The following ATXN7L1 variants were observed in gnomAD, a reference collection of about 807,000 sequenced individuals.
The protein encoded by ATXN7L1 is ataxin-7-like protein 1.
Under a neutral mutation model 70.8 loss-of-function variants are expected in ATXN7L1, and 15 were observed. The ratio of observed to expected loss-of-function variants is 0.21; its 90% confidence interval spans 0.14 to 0.33. The LOEUF (loss-of-function observed/expected upper bound fraction) is 0.33, where lower values mean the gene tolerates loss of function less well. Among genes scored for constraint, ATXN7L1 ranks in the 10% least tolerant of loss-of-function variants. ATXN7L1 has a pLI of 1.00. For synonymous variants in ATXN7L1, 440 were observed against 445.1 expected (o/e 0.99, Z 0.14); for missense variants, 975 against 1,097.1 (o/e 0.89, Z 1.57).
chr7:105,716,403 A>G (rs1236864957), intron 3 of ATXN7L1, among the ~76,000 whole-genome samples: 3 of 152,214 alleles, frequency 2.0e-5, no homozygotes, highest in African/African-American at 7.2e-5. Context: ...CTCTGCAAAG[A>G]CAGACTATTT....
At chr7:105,719,748 C>T (rs954933477) in intron 3 of ATXN7L1, among the ~76,000 whole-genome samples, 2 of 152,178 alleles carry the variant, frequency 1.3e-5, no homozygotes, top group Non-Finnish European at 2.9e-5. Context: ...GATTTGGCAG[C>T]TCCATCAACA....
rs1486638500 is a variant in ATXN7L1, at chr7:105,652,650, A to G, written c.579-9529T>C. Among the ~76,000 whole-genome samples the G allele has an allele frequency of 2.0e-5, 3 of 152,206 alleles. No homozygotes were observed. In the South Asian group the frequency reaches 6.2e-4, roughly 32 times the overall value. ...CAGTCCTGGAGGAAACCCTGACCCAAGGGGAGACAGGGCAACTCCTTACAG... is the reference window on the plus strand; with the variant it reads ...CAGTCCTGGAGGAAACCCTGACCCAGGGGGAGACAGGGCAACTCCTTACAG... On this transcript the variant is annotated intron_variant, in intron 4 of 11. Coordinates refer to ENST00000419735, the MANE Select transcript of ATXN7L1 (RefSeq NM_020725.2).
At chr7:105,833,197 C>A (rs532395854) in intron 2 of ATXN7L1, among the ~76,000 whole-genome samples, 5 of 152,300 alleles carry the variant, frequency 3.3e-5, no homozygotes, top group African/African-American at 1.2e-4. Flanking sequence ...GTCCCCAGGT[C>A]CCCTAGACTC....
At position 105,761,076 on chromosome 7, in the gene ATXN7L1, A is replaced by T. The variant is rs190510122; in HGVS notation, c.355+27528T>A. 17 of 813,262 alleles carry T rather than the reference A, an allele frequency of 2.1e-5. No homozygotes were observed. In the Admixed American group the frequency reaches 9.0e-4, roughly 43 times the overall value. 50.4% of individuals were successfully genotyped at this position (813,262 alleles called of 1,614,324 possible). ...GCAGAATGAATTGTAGAGGAGCAAG[A>T]GTGGAAGCAGGAACAGCTGGAAGGC... On this transcript the variant is annotated intron_variant, in intron 3 of 11. Coordinates refer to ENST00000419735, the MANE Select transcript of ATXN7L1 (RefSeq NM_020725.2).
intron 3 of ATXN7L1, among the ~76,000 whole-genome samples, chr7:105,726,296 G>A (rs1795810803): frequency 6.6e-6 from 1 of 152,212 alleles, no homozygotes; most frequent in Non-Finnish European, 1.5e-5. Flanking sequence ...AATTCCAAGA[G>A]CACAAAGAAG....
At chr7:105,861,205 G>T (rs1816586634) in intron 2 of ATXN7L1, among the ~76,000 whole-genome samples, 1 of 152,196 alleles carries the variant, frequency 6.6e-6, no homozygotes. Context: ...CACCTGTCCG[G>T]ATAGGAAGGG....
chr7:105,669,788 G>A (rs1006458075), intron 3 of ATXN7L1, among the ~76,000 whole-genome samples: 15 of 151,938 alleles, frequency 9.9e-5, no homozygotes, highest in Non-Finnish European at 1.9e-4. Context: ...GCGTGGTGGC[G>A]CATGCCTGTA....
intron 2 of ATXN7L1, among the ~76,000 whole-genome samples, chr7:105,853,209 G>T (rs1451422036): frequency 6.6e-6 from 1 of 152,218 alleles, no homozygotes; most frequent in South Asian, 2.1e-4. Flanking sequence ...CTCTAAACTG[G>T]TTAAAGTATT....
intron 3 of ATXN7L1, among the ~76,000 whole-genome samples, chr7:105,702,565 G>GAC (rs1441552360): frequency 0.051 from 7,614 of 147,854 alleles, 642 homozygotes; most frequent in African/African-American, 0.18. Context: ...CACACACACA[G>GAC]ACACACATAC....
chr7:105,849,166 G>T (rs1269374870), intron 2 of ATXN7L1, among the ~76,000 whole-genome samples: 1 of 152,216 alleles, frequency 6.6e-6, no homozygotes, highest in Non-Finnish European at 1.5e-5. Context: ...ATCACCACTG[G>T]CCTGAGAGGA....
chr7:105,762,566 T>C (rs1800690654), intron 3 of ATXN7L1, among the ~76,000 whole-genome samples: 1 of 152,114 alleles, frequency 6.6e-6, no homozygotes, highest in Non-Finnish European at 1.5e-5. Flanking sequence ...CCCTACCCAA[T>C]CACCTTTCTT....
chr7:105,653,182 C>T (rs567162113), intron 4 of ATXN7L1, among the ~76,000 whole-genome samples: 36 of 152,224 alleles, frequency 2.4e-4, no homozygotes, highest in Admixed American at 2.0e-4. Context: ...TCAGGCCGGG[C>T]ATGGTGGCTC....
chr7:105,713,262 T>C lies in ATXN7L1; in HGVS notation c.356-47974A>G, dbSNP rs115162002. ...CATGAGATTTTGGTGAGGACACATA[T>C]CCAAACCATATCAGATGGGGCCTGG... On this transcript the variant is annotated intron_variant, in intron 3 of 11. Transcript: ENST00000419735. 1.7e-3 allele frequency among the ~76,000 whole-genome samples: 254 copies of C among 152,290 alleles called. 4 individuals carry two copies. The highest frequency in any genetic ancestry group is 5.8e-3 in the African/African-American group (242 of 41,562).
chr7:105,780,300 C>T lies in ATXN7L1; in HGVS notation c.355+8304G>A, dbSNP rs549378952. Reference sequence around the variant, plus strand: ...GGATGTACACAGAAGGATGGGGTGCCAGCCAGGACATGCCATGCCTCACTC... The same window carrying T: ...GGATGTACACAGAAGGATGGGGTGCTAGCCAGGACATGCCATGCCTCACTC... On this transcript the variant is annotated intron_variant, in intron 3 of 11. Coordinates refer to ENST00000419735, the MANE Select transcript of ATXN7L1 (RefSeq NM_020725.2). Among the ~76,000 whole-genome samples the T allele has an allele frequency of 9.8e-5, 15 of 152,320 alleles. No individual in the cohort carries two copies. In the South Asian group the frequency reaches 3.1e-3, roughly 32 times the overall value.
chr7:105,799,233 C>A (rs117350118), intron 2 of ATXN7L1, among the ~76,000 whole-genome samples: 1 of 152,348 alleles, frequency 6.6e-6, no homozygotes, highest in East Asian at 1.9e-4. Context: ...GACTGCATCG[C>A]AGCAGGCCTC....
At chr7:105,845,321 T>C (rs1488234063) in intron 2 of ATXN7L1, among the ~76,000 whole-genome samples, 2 of 146,518 alleles carry the variant, frequency 1.4e-5, no homozygotes, top group African/African-American at 5.1e-5. Flanking sequence ...AAAAATAAAA[T>C]ACTTACCAAT....
At chr7:105,815,370 G>A (rs1809038604) in intron 2 of ATXN7L1, among the ~76,000 whole-genome samples, 1 of 152,154 alleles carries the variant, frequency 6.6e-6, no homozygotes, top group Non-Finnish European at 1.5e-5. Flanking sequence ...GTTCTACATT[G>A]AGATCACTTA....
chr7:105,633,277 A>G (rs1796870473), intron 7 of ATXN7L1, among the ~76,000 whole-genome samples: 1 of 152,242 alleles, frequency 6.6e-6, no homozygotes, highest in African/African-American at 2.4e-5. Flanking sequence ...GGCACAAACT[A>G]AGAAGGAGGC....
chr7:105,757,244 T>G (rs541985246), intron 3 of ATXN7L1, among the ~76,000 whole-genome samples: 39 of 152,052 alleles, frequency 2.6e-4, no homozygotes, highest in Admixed American at 1.1e-3. Flanking sequence ...TCTGCTCACA[T>G]TCACTAGAGA....
Sources: gnomAD v4.1 joint callset for allele counts (sites outside exome capture counted in the v4.1 genomes callset) on GRCh38, gnomAD v4.1.1 for gene constraint, MANE v1.5 for transcripts, NCBI Gene and HGNC (gene_info 2026-07-23, HGNC 2026-07-21) for gene names.